The following MAPK4 variants were observed in gnomAD, a reference collection of about 807,000 sequenced individuals.
The protein encoded by MAPK4 is mitogen-activated protein kinase 4.
Under a neutral mutation model 47.7 loss-of-function variants are expected in MAPK4, and 22 were observed. The observed-to-expected ratio is 0.46, with a 90% CI of 0.33 to 0.66. MAPK4 has a LOEUF of 0.66. MAPK4 is among the 30% of genes least tolerant of loss of function. The pLI, the probability that MAPK4 is intolerant of heterozygous loss-of-function variation, is 0.02. For missense variants in MAPK4, 736 were observed against 831.7 expected, an observed-to-expected ratio of 0.88 and a Z score of 1.42; for synonymous variants, 390 against 365.7, an observed-to-expected ratio of 1.07 and a Z score of -0.76.
chr18:50,710,057 G>A (rs925171786), intron 2 of MAPK4, among the ~76,000 whole-genome samples: 2 of 152,146 alleles, frequency 1.3e-5, no homozygotes, highest in African/African-American at 4.8e-5. Context: ...ATCCTAGCCT[G>A]GAAACAGGGG....
chr18:50,632,424 C>T (rs776756427), intron 1 of MAPK4, among the ~76,000 whole-genome samples: 35 of 152,216 alleles, frequency 2.3e-4, no homozygotes, highest in African/African-American at 4.1e-4. Flanking sequence ...AATGTCAAGA[C>T]GCTGCTCCTG....
intron 1 of MAPK4, among the ~76,000 whole-genome samples, chr18:50,594,088 A>T (rs2042461333): frequency 6.6e-6 from 1 of 152,232 alleles, no homozygotes; most frequent in East Asian, 1.9e-4. Flanking sequence ...CTGGAGTCTG[A>T]TGTCCAAGGC....
intron 4 of MAPK4, among the ~76,000 whole-genome samples, chr18:50,724,186 A>T (rs1229050329): frequency 2.0e-5 from 3 of 151,982 alleles, no homozygotes; most frequent in Non-Finnish European, 4.4e-5. Context: ...TAATTTTAAA[A>T]TTTTTTTTGT....
At chr18:50,659,309 G>A (rs1459370498) in intron 1 of MAPK4, among the ~76,000 whole-genome samples, 1 of 152,166 alleles carries the variant, frequency 6.6e-6, no homozygotes, top group Non-Finnish European at 1.5e-5. Context: ...TGGAAATAGC[G>A]GCTCCTCGGG....
At chr18:50,718,919 T>G (rs1910776542) in intron 3 of MAPK4, among the ~76,000 whole-genome samples, 1 of 151,570 alleles carries the variant, frequency 6.6e-6, no homozygotes, top group Non-Finnish European at 1.5e-5. Context: ...CCGTCTCTAC[T>G]AAAAATACAA....
intron 1 of MAPK4, among the ~76,000 whole-genome samples, chr18:50,565,785 G>C (rs1170942027): frequency 6.6e-6 from 1 of 152,162 alleles, no homozygotes; most frequent in East Asian, 1.9e-4. Context: ...TTGTAGTCTA[G>C]GAGCAATAGG....
chr18:50,723,629 G>A (rs1361482603), intron 4 of MAPK4, among the ~76,000 whole-genome samples: 3 of 152,190 alleles, frequency 2.0e-5, no homozygotes, highest in Non-Finnish European at 2.9e-5. Flanking sequence ...TTGGGAGGCC[G>A]AGGCGGGCAG....
At chr18:50,590,883 T>C (rs761303442) in intron 1 of MAPK4, among the ~76,000 whole-genome samples, 1 of 152,204 alleles carries the variant, frequency 6.6e-6, no homozygotes, top group Non-Finnish European at 1.5e-5. Context: ...CAGCATATCA[T>C]AGGCATTTAG....
intron 2 of MAPK4, among the ~76,000 whole-genome samples, chr18:50,677,553 G>GGTTTTTTTTTGTT (rs895779323): frequency 6.7e-6 from 1 of 148,596 alleles, no homozygotes; most frequent in Non-Finnish European, 1.5e-5. Flanking sequence ...ATGTGTGTAA[G>GGTTTTTTTTTGTT]GTTTTTTTTT....
chr18:50,707,176 T>A (rs1437606586), intron 2 of MAPK4, among the ~76,000 whole-genome samples: 3 of 152,018 alleles, frequency 2.0e-5, no homozygotes, highest in African/African-American at 7.2e-5. Flanking sequence ...ATCAAACCCA[T>A]ACAGATAGAA....
chr18:50,561,604 ACT>A (rs1228343127), intron 1 of MAPK4, among the ~76,000 whole-genome samples: 1 of 152,208 alleles, frequency 6.6e-6, no homozygotes, highest in Non-Finnish European at 1.5e-5. Flanking sequence ...TGCCCAGTGT[ACT>A]TTTGGGGTAC....
At chr18:50,709,118 T>C (rs11665608) in intron 2 of MAPK4, among the ~76,000 whole-genome samples, 52,217 of 151,942 alleles carry the variant, frequency 0.34, 9,466 homozygotes, top group African/African-American at 0.46. Flanking sequence ...CGCCCACCCC[T>C]TCCATGTCCT....
chr18:50,677,751 C>T lies in MAPK4; in HGVS notation c.546+13247C>T, dbSNP rs145110638. Among the ~76,000 whole-genome samples the T allele has an allele frequency of 2.6e-3, 390 of 152,248 alleles. 1 individual carries two copies. The highest frequency in any genetic ancestry group is 6.8e-3 in the African/African-American group (282 of 41,548). ...TTTATTTTTAGTAGAGACAAGGTCT[C>T]GCTATGTTGCTCAGGCTGGTCTCAA... On this transcript the variant is annotated intron_variant, in intron 2 of 5. Transcript: ENST00000400384.
chr18:50,711,509 C>T (rs1910361845), intron 2 of MAPK4, among the ~76,000 whole-genome samples: 1 of 152,256 alleles, frequency 6.6e-6, no homozygotes, highest in Non-Finnish European at 1.5e-5. Context: ...AGTGATGTTA[C>T]AAAGCCTCAC....
chr18:50,578,768 A>G (rs185284886), intron 1 of MAPK4, among the ~76,000 whole-genome samples: 86 of 152,292 alleles, frequency 5.6e-4, no homozygotes, highest in Non-Finnish European at 1.1e-3. Flanking sequence ...TGCTAAAAGG[A>G]CACCACAGTA....
chr18:50,693,285 A>G (rs147294061), intron 2 of MAPK4, among the ~76,000 whole-genome samples: 146 of 152,228 alleles, frequency 9.6e-4, no homozygotes, highest in Middle Eastern at 3.4e-3. Context: ...CACAGTCTAC[A>G]AGCAAAGTGA....
chr18:50,724,200 G>A (rs1408554509), intron 4 of MAPK4, among the ~76,000 whole-genome samples: 1 of 151,990 alleles, frequency 6.6e-6, no homozygotes, highest in Non-Finnish European at 1.5e-5. Context: ...TTTTTGTAGA[G>A]ACAACCCACT....
intron 5 of MAPK4, among the ~76,000 whole-genome samples, chr18:50,726,876 T>G (rs1911231528): frequency 6.6e-6 from 1 of 151,924 alleles, no homozygotes; most frequent in Non-Finnish European, 1.5e-5. Flanking sequence ...AAAATGCCAT[T>G]AACGGGGGCT....
chr18:50,709,496 A>G (rs1910236178), intron 2 of MAPK4, among the ~76,000 whole-genome samples: 1 of 152,222 alleles, frequency 6.6e-6, no homozygotes, highest in Non-Finnish European at 1.5e-5. Context: ...AGAGACACAC[A>G]TGGCCCTTCT....
Sources: allele counts gnomAD v4.1 joint callset (sites outside exome capture counted in the v4.1 genomes callset), GRCh38; gene constraint gnomAD v4.1.1; transcripts MANE v1.5; gene names NCBI Gene and HGNC (gene_info 2026-07-23, HGNC 2026-07-21).